Variants in TRERF1 observed in about 807,000 individuals in gnomAD.
The protein encoded by TRERF1 is transcriptional-regulating factor 1.
Under a neutral mutation model 122.9 loss-of-function variants are expected in TRERF1, and 27 were observed. The observed-to-expected ratio is 0.22, with a 90% CI of 0.16 to 0.30. TRERF1 has a LOEUF of 0.30. Ranked by LOEUF, TRERF1 falls within the 10% of genes least tolerant of loss-of-function variation. TRERF1 has a pLI of 1.00. For missense variants in TRERF1, 1,248 were observed against 1,560.3 expected, an observed-to-expected ratio of 0.80 and a Z score of 3.37; for synonymous variants, 636 against 641.7, an observed-to-expected ratio of 0.99 and a Z score of 0.13.
intron 16 of TRERF1, among the ~76,000 whole-genome samples, chr6:42,233,281 CTTTTTT>C (rs926204150): frequency 7.8e-6 from 1 of 128,984 alleles, no homozygotes; most frequent in East Asian, 2.2e-4. Flanking sequence ...AGCTTTCAAA[CTTTTTT>C]TTTTTTTTTT....
chr6:42,436,814 A>ATATATATATATAT (rs1554219616), intron 2 of TRERF1, among the ~76,000 whole-genome samples: 14 of 66,684 alleles, frequency 2.1e-4, no homozygotes, highest in East Asian at 1.1e-3. Context: ...AAAAAAAAAA[A>ATATATATATATAT]ATATATATAT....
rs374164932 is a variant in TRERF1 at position 42,228,540 on chromosome 6, C to T, written c.3408G>A (p.Thr1136=). The T allele has an allele frequency of 4.7e-5, 76 of 1,614,066 alleles. No homozygotes were observed. The highest frequency in any genetic ancestry group is 1.6e-4 in the Middle Eastern group (1 of 6,084). The change falls in exon 18 of 18, where the codon ACG becomes ACA. Residue 1136 remains threonine (T), a synonymous_variant. Coordinates refer to ENST00000372922, the Ensembl canonical transcript of TRERF1. The surrounding 1 kb of genome is among the most constrained non-coding windows in gnomAD (Gnocchi z 4.2). ...GCAGCCCCGGCGCCCCCACGGGCCC[C>T]GTAGTCCTCTCAATCGTGGCTGCCA...
At position 42,275,413 on chromosome 6, in the gene TRERF1, C is replaced by T. The variant is rs1780981618; in HGVS notation, c.-258-5565G>A. 6.6e-6 allele frequency among the ~76,000 whole-genome samples: 1 copy of T among 152,212 alleles called. No individual in the cohort carries two copies. Among genetic ancestry groups the T allele is most frequent in the South Asian group, 2.1e-4 (1 of 4,838 alleles). On this transcript the variant is annotated intron_variant, in intron 4 of 17. Transcript: ENST00000372922. The surrounding 1 kb of genome is among the most constrained non-coding windows in gnomAD (Gnocchi z 4.1). ...TCAACAAATAAATGCCCACTCAGAA[C>T]CTAAGGTGCCACTCCACGCTCCCAC... is the stretch of plus-strand genomic sequence containing the variant.
At chr6:42,401,471 A>G (rs1779380180) in intron 2 of TRERF1, among the ~76,000 whole-genome samples, 1 of 152,130 alleles carries the variant, frequency 6.6e-6, no homozygotes, top group Non-Finnish European at 1.5e-5. Context: ...TATTATCCCC[A>G]TTTTACGGAT....
At chr6:42,446,994 G>T (rs1787638788) in intron 2 of TRERF1, among the ~76,000 whole-genome samples, 1 of 152,208 alleles carries the variant, frequency 6.6e-6, no homozygotes, top group East Asian at 1.9e-4. Flanking sequence ...GAGAGAGCAA[G>T]ATGCTGTCTC....
chr6:42,304,389 G>A (rs1037999052), intron 3 of TRERF1, among the ~76,000 whole-genome samples: 16 of 152,292 alleles, frequency 1.1e-4, no homozygotes, highest in Admixed American at 9.2e-4. Flanking sequence ...CAGTGAGAGC[G>A]TAGGTCCCTC....
chr6:42,332,242 G>A lies in TRERF1; in HGVS notation c.-371+30755C>T, dbSNP rs544498982. Among the ~76,000 whole-genome samples, 6 of 152,290 alleles carry A rather than the reference G, an allele frequency of 3.9e-5. No individual in the cohort carries two copies. The South Asian group carries it at 1.0e-3, about 26-fold the overall frequency. ...ACAGGCGTGTGCCACCGCGCCCAGC[G>A]GGGAAACATTCTAAACCAGCCATGA... On this transcript the variant is annotated intron_variant, in intron 3 of 17. Transcript: ENST00000372922.
In TRERF1 at chr6:42,228,308, C is replaced by G. The variant is rs373298176; in HGVS notation, c.*37G>C. On this transcript the variant is annotated 3_prime_UTR_variant, in exon 18 of 18. Coordinates refer to ENST00000372922, the Ensembl canonical transcript of TRERF1. The surrounding 1 kb of genome is among the most constrained non-coding windows in gnomAD (Gnocchi z 4.2). ...TTTCCTGATTAATGAAGATGGAGGC[C>G]GTGGGTTTTCACTGTCTCTAAGTGA... The G allele has an allele frequency of 6.5e-7, 1 of 1,534,814 alleles. No individual in the cohort carries two copies. Among genetic ancestry groups the G allele is most frequent in the Non-Finnish European group, 8.8e-7 (1 of 1,137,512 alleles).
In TRERF1 at chr6:42,264,697, T is replaced by C; in HGVS notation, c.1635+7A>G. On this transcript the variant is annotated splice_region_variant and intron_variant, in intron 7 of 17. Coordinates refer to ENST00000372922, the Ensembl canonical transcript of TRERF1. The stretch of plus-strand genomic sequence containing the variant: ...CTAGAAAGGACCGGGAACTGGCTCC[T>C]GCTAACCTGTTTGAGGTTGGGGGAG... 6.2e-7 allele frequency: 1 copy of C among 1,613,760 alleles called. No individual in the cohort carries two copies. The highest frequency in any genetic ancestry group is 8.5e-7 in the Non-Finnish European group (1 of 1,179,838).
intron 9 of TRERF1, among the ~76,000 whole-genome samples, chr6:42,258,651 T>C (rs1020479256): frequency 4.6e-5 from 7 of 152,354 alleles, no homozygotes; most frequent in African/African-American, 1.7e-4. Context: ...GTCGGCTCAC[T>C]GCAGCCTCCG....
intron 2 of TRERF1, among the ~76,000 whole-genome samples, chr6:42,373,753 C>T (rs1774231966): frequency 6.6e-6 from 1 of 151,038 alleles, no homozygotes; most frequent in South Asian, 2.1e-4. Flanking sequence ...ATCGCTTGAA[C>T]CTGGGAGGCA....
chr6:42,281,625 G>A (rs1439468882), intron 4 of TRERF1, among the ~76,000 whole-genome samples: 1 of 152,206 alleles, frequency 6.6e-6, no homozygotes, highest in Non-Finnish European at 1.5e-5. Flanking sequence ...CAGACCAGCT[G>A]AGGTGGTCCA....
intron 3 of TRERF1, among the ~76,000 whole-genome samples, chr6:42,354,052 G>A (rs1770030001): frequency 6.6e-6 from 1 of 152,170 alleles, no homozygotes; most frequent in African/African-American, 2.4e-5. Flanking sequence ...CTTGGATGAA[G>A]ATCTTCAGGG....
At chr6:42,260,400 C>T (rs1042222191) in intron 8 of TRERF1, among the ~76,000 whole-genome samples, 1 of 152,146 alleles carries the variant, frequency 6.6e-6, no homozygotes, top group Non-Finnish European at 1.5e-5. Flanking sequence ...GGTTGGCTTC[C>T]TGTCAGGAGA....
chr6:42,315,572 G>A (rs144739047), intron 3 of TRERF1, among the ~76,000 whole-genome samples: 417 of 152,258 alleles, frequency 2.7e-3, no homozygotes, highest in Non-Finnish European at 4.2e-3. Flanking sequence ...ACCTAACTTG[G>A]AGCTAAGAGG....
rs377476391 is a variant in TRERF1, at chr6:42,332,599, C to T, written c.-371+30398G>A. 3.9e-5 allele frequency among the ~76,000 whole-genome samples: 6 copies of T among 152,290 alleles called. No individual in the cohort carries two copies. The East Asian group carries it at 1.2e-3, about 29-fold the overall frequency. ...GGTCCCCTCTAAAGGAAGGAGATAGCCCTTGCTCCTTTTCTATAATAGGAC... is the reference window on the plus strand; with the variant it reads ...GGTCCCCTCTAAAGGAAGGAGATAGTCCTTGCTCCTTTTCTATAATAGGAC... On this transcript the variant is annotated intron_variant, in intron 3 of 17. Coordinates refer to ENST00000372922, the Ensembl canonical transcript of TRERF1.
chr6:42,344,722 C>T (rs1767940232), intron 3 of TRERF1, among the ~76,000 whole-genome samples: 1 of 152,294 alleles, frequency 6.6e-6, no homozygotes, highest in East Asian at 1.9e-4. Flanking sequence ...CTAAATGTCA[C>T]AGCCCCCCAC....
intron 4 of TRERF1, among the ~76,000 whole-genome samples, chr6:42,287,725 C>T (rs543247914): frequency 6.6e-6 from 1 of 152,282 alleles, no homozygotes; most frequent in South Asian, 2.1e-4. Flanking sequence ...TCAATTCCTG[C>T]CCACTTCTCC....
chr6:42,331,264 C>T (rs1384142198), intron 3 of TRERF1, among the ~76,000 whole-genome samples: 3 of 152,156 alleles, frequency 2.0e-5, no homozygotes, highest in Non-Finnish European at 4.4e-5. Context: ...CAGGACAGGA[C>T]ACTCACAGAG....
Sources: gnomAD v4.1 joint callset for allele counts (sites outside exome capture counted in the v4.1 genomes callset) on GRCh38, gnomAD v4.1.1 for gene constraint, Gnocchi (gnomAD v3.1) non-coding constraint, MANE v1.5 for transcripts, NCBI Gene and HGNC (gene_info 2026-07-23, HGNC 2026-07-21) for gene names.